The following LRRTM3 variants were observed in gnomAD, a reference collection of about 807,000 sequenced individuals.
LRRTM3 encodes leucine-rich repeat transmembrane neuronal protein 3.
A neutral mutation model predicts 44.7 loss-of-function variants in LRRTM3; 24 were observed. That is an observed-to-expected ratio of 0.54 (90% CI 0.39 to 0.76). LRRTM3 has a LOEUF of 0.76. LRRTM3 is among the 30% of genes least tolerant of loss of function. The pLI, the probability that LRRTM3 is intolerant of heterozygous loss-of-function variation, is 0.00. For missense variants in LRRTM3, 587 were observed against 702.2 expected (o/e 0.84, Z 1.85); for synonymous variants, 277 against 278.7 (o/e 0.99, Z 0.06).
At chr10:67,025,172 G>A (rs571749731) in intron 2 of LRRTM3, among the ~76,000 whole-genome samples, 4 of 143,760 alleles carry the variant, frequency 2.8e-5, no homozygotes, top group Admixed American at 7.0e-5. Flanking sequence ...AAGGAAGGAA[G>A]GAAAGAAAGA....
chr10:67,026,010 A>C (rs985249734), intron 2 of LRRTM3, among the ~76,000 whole-genome samples: 1 of 151,444 alleles, frequency 6.6e-6, no homozygotes. Flanking sequence ...TCGCAAGGAC[A>C]AAAAACCAAA....
At chr10:66,943,204 A>G (rs1848104934) in intron 2 of LRRTM3, among the ~76,000 whole-genome samples, 1 of 152,224 alleles carries the variant, frequency 6.6e-6, no homozygotes, top group African/African-American at 2.4e-5. Context: ...AGACGAGAAA[A>G]GCTAGAAGAG....
intron 2 of LRRTM3, among the ~76,000 whole-genome samples, chr10:67,043,628 T>G (rs961547601): frequency 8.5e-5 from 13 of 152,180 alleles, no homozygotes; most frequent in Admixed American, 1.3e-4. Context: ...AACAATGATT[T>G]TTTTTTAAAG....
intron 2 of LRRTM3, among the ~76,000 whole-genome samples, chr10:67,049,014 T>A (rs1157375258): frequency 1.6e-5 from 2 of 125,552 alleles, no homozygotes; most frequent in African/African-American, 6.0e-5. Context: ...ATAGCAAAAA[T>A]TTATGATGAT....
intron 2 of LRRTM3, among the ~76,000 whole-genome samples, chr10:67,034,911 G>A (rs1386470536): frequency 6.6e-6 from 1 of 152,022 alleles, no homozygotes; most frequent in Non-Finnish European, 1.5e-5. Context: ...ATATCTCTTG[G>A]CAATGCTATT....
At chr10:66,949,563 TA>T (rs5785805) in intron 2 of LRRTM3, among the ~76,000 whole-genome samples, 81,555 of 139,472 alleles carry the variant, frequency 0.58, 23,082 homozygotes, top group African/African-American at 0.73. Context: ...CATCTCAAAA[TA>T]AAAAAAAAAA....
intron 2 of LRRTM3, among the ~76,000 whole-genome samples, chr10:66,934,953 G>A (rs1005206988): frequency 2.6e-5 from 4 of 152,088 alleles, no homozygotes; most frequent in Non-Finnish European, 4.4e-5. Flanking sequence ...TGAAGTGGGA[G>A]CAGAATGAAA....
intron 2 of LRRTM3, among the ~76,000 whole-genome samples, chr10:67,045,696 C>T (rs545398715): frequency 2.0e-5 from 3 of 152,222 alleles, no homozygotes; most frequent in East Asian, 3.9e-4. Context: ...GGCCCCCAGG[C>T]GGGGATAGCG....
intron 2 of LRRTM3, among the ~76,000 whole-genome samples, chr10:67,046,773 G>A (rs1854777567): frequency 6.6e-6 from 1 of 152,090 alleles, no homozygotes; most frequent in Admixed American, 6.5e-5. Context: ...TAAAAGCAGG[G>A]ACTCAGAGCC....
intron 2 of LRRTM3, among the ~76,000 whole-genome samples, chr10:66,943,522 T>G (rs1848128427): frequency 6.7e-6 from 1 of 148,476 alleles, no homozygotes; most frequent in Non-Finnish European, 1.5e-5. Flanking sequence ...CCCCACCCTT[T>G]TTTTTTTTTT....
intron 2 of LRRTM3, among the ~76,000 whole-genome samples, chr10:67,058,796 C>T (rs1198694876): frequency 1.3e-5 from 2 of 152,142 alleles, no homozygotes; most frequent in African/African-American, 2.4e-5. Context: ...AGAGCATCTA[C>T]AAACCAGAAA....
chr10:67,010,308 T>C (rs1038453256), intron 2 of LRRTM3, among the ~76,000 whole-genome samples: 3 of 152,210 alleles, frequency 2.0e-5, no homozygotes, highest in African/African-American at 7.2e-5. Flanking sequence ...AGAATAATCT[T>C]TGGATACAGT....
At chr10:67,023,961 T>C (rs2133082971) in intron 2 of LRRTM3, among the ~76,000 whole-genome samples, 2 of 152,328 alleles carry the variant, frequency 1.3e-5, no homozygotes, top group South Asian at 4.1e-4. Flanking sequence ...TATTACTCAA[T>C]TTCTAATCCT....
chr10:67,095,046 T>A (rs950959984), intron 2 of LRRTM3, among the ~76,000 whole-genome samples: 7 of 110,174 alleles, frequency 6.4e-5, no homozygotes, highest in Admixed American at 1.6e-4. Context: ...TGTTTATATA[T>A]TATATATGTA....
chr10:67,001,313 G>GA (rs1032315725), intron 2 of LRRTM3, among the ~76,000 whole-genome samples: 119 of 139,424 alleles, frequency 8.5e-4, no homozygotes, highest in South Asian at 1.6e-3. Flanking sequence ...AAAAAAAAAA[G>GA]AAAAAAAAAG....
chr10:67,094,082 A>G (rs764752011), intron 2 of LRRTM3, among the ~76,000 whole-genome samples: 25 of 151,982 alleles, frequency 1.6e-4, no homozygotes, highest in Admixed American at 6.6e-5. Context: ...TAATCAACAT[A>G]TGATGTTGAT....
In LRRTM3 at chr10:66,927,708, G is replaced by A. The variant is rs1847153306; in HGVS notation, c.792G>A (p.Glu264=). 1 of 1,614,214 alleles carries A rather than the reference G, an allele frequency of 6.2e-7. No homozygotes were observed. The highest frequency in any genetic ancestry group is 2.2e-5 in the East Asian group (1 of 44,878). The change falls in exon 2 of 3, where the codon GAG becomes GAA. Residue 264 remains glutamate (E), a synonymous_variant. Coordinates refer to ENST00000361320, the MANE Select transcript of LRRTM3 (RefSeq NM_178011.5). The surrounding 1 kb of genome is among the most constrained non-coding windows in gnomAD (Gnocchi z 4.7). ...AAAGGCTTGATTTATCAGGCAATGA[G>A]ATCGAAGCTTTCAGTGGACCCAGTG... ...SLQRLDLSGN[E]IEAFSGPSVF...
intron 2 of LRRTM3, among the ~76,000 whole-genome samples, chr10:67,077,394 C>A (rs1856797434): frequency 6.6e-6 from 1 of 152,174 alleles, no homozygotes; most frequent in Non-Finnish European, 1.5e-5. Flanking sequence ...ACTAGTGGCC[C>A]TGATGGCTTT....
chr10:67,019,435 C>A (rs978295320), intron 2 of LRRTM3, among the ~76,000 whole-genome samples: 1 of 152,154 alleles, frequency 6.6e-6, no homozygotes, highest in Non-Finnish European at 1.5e-5. Flanking sequence ...TCAAGCTGGT[C>A]ACAAACTCCC....
Sources: gnomAD v4.1 joint callset for allele counts (sites outside exome capture counted in the v4.1 genomes callset) on GRCh38, gnomAD v4.1.1 for gene constraint, Gnocchi (gnomAD v3.1) non-coding constraint, MANE v1.5 for transcripts, NCBI Gene and HGNC (gene_info 2026-07-23, HGNC 2026-07-21) for gene names.